TENM3: variants seen among roughly 807,000 people sequenced by gnomAD.
TENM3 encodes the protein teneurin-3.
TENM3 carries 63 observed loss-of-function variants against 255.1 expected under a neutral mutation model. The ratio of observed to expected loss-of-function variants is 0.25; its 90% CI spans 0.20 to 0.30. The LOEUF (loss-of-function observed/expected upper bound fraction) is 0.30. Among genes scored for constraint, TENM3 ranks in the 10% least tolerant of loss-of-function variants. The pLI, the probability that TENM3 is intolerant of heterozygous loss-of-function variation, is 1.00. For missense variants in TENM3, 2,929 were observed against 3,461.1 expected, an observed-to-expected ratio of 0.85 and a Z score of 3.86; for synonymous variants, 1,306 against 1,322.3, an observed-to-expected ratio of 0.99 and a Z score of 0.27.
intron 4 of TENM3, among the ~76,000 whole-genome samples, chr4:182,616,759 GGCATTTGA>G (rs1371665844): frequency 6.6e-6 from 1 of 152,044 alleles, no homozygotes; most frequent in African/African-American, 2.4e-5. Context: ...CAAATAGCTA[GGCATTTGA>G]GCAGAGTGAA....
At chr4:182,233,176 G>A (rs1756686263) in intron 1 of TENM3, among the ~76,000 whole-genome samples, 1 of 152,154 alleles carries the variant, frequency 6.6e-6, no homozygotes. Context: ...CCAAACAGGA[G>A]CCGGAGAGCC....
intron 24 of TENM3, among the ~76,000 whole-genome samples, chr4:182,777,536 T>C (rs1764774894): frequency 6.9e-6 from 1 of 144,908 alleles, no homozygotes; most frequent in East Asian, 2.0e-4. Context: ...TGTGTGTGTG[T>C]GTGTGTATTT....
At chr4:181,853,340 A>G in the TENM3 span, among the ~76,000 whole-genome samples, 3 of 152,242 alleles carry the variant, frequency 2.0e-5, no homozygotes, top group East Asian at 5.8e-4. Context: ...AACTTTAGTT[A>G]AACTTTTACG....
At chr4:182,095,919 A>G in the TENM3 span, among the ~76,000 whole-genome samples, 1 of 151,954 alleles carries the variant, frequency 6.6e-6, no homozygotes, top group Non-Finnish European at 1.5e-5. Flanking sequence ...AAGAAAAGGA[A>G]ATTTTTTAAT....
chr4:182,623,762 A>G (rs200936651), intron 4 of TENM3, among the ~76,000 whole-genome samples: 1 of 151,936 alleles, frequency 6.6e-6, no homozygotes, highest in African/African-American at 2.4e-5. Context: ...CTCCACTAAG[A>G]CATCTAGTTT....
At chr4:182,689,059 A>G (rs761418901) in intron 12 of TENM3, among the ~76,000 whole-genome samples, 8 of 152,360 alleles carry the variant, frequency 5.3e-5, no homozygotes, top group Middle Eastern at 3.4e-3. Context: ...TTTTCAAGAT[A>G]CTTAGTGTCT....
At chr4:182,218,007 C>G (rs990544963) in intron 1 of TENM3, among the ~76,000 whole-genome samples, 1 of 152,108 alleles carries the variant, frequency 6.6e-6, no homozygotes, top group Non-Finnish European at 1.5e-5. Context: ...AATGAAAAAC[C>G]GAGTAACAGT....
chr4:182,762,204 C>G (rs919165962), intron 22 of TENM3, among the ~76,000 whole-genome samples: 3 of 151,690 alleles, frequency 2.0e-5, no homozygotes, highest in African/African-American at 7.3e-5. Context: ...TGAATTAACT[C>G]TTTCAGGGTG....
At chr4:182,198,990 T>C (rs1754006060) in intron 1 of TENM3, among the ~76,000 whole-genome samples, 1 of 152,124 alleles carries the variant, frequency 6.6e-6, no homozygotes, top group African/African-American at 2.4e-5. Flanking sequence ...TTCTGCCTCA[T>C]TTTGCAAACC....
the TENM3 span, among the ~76,000 whole-genome samples, chr4:182,086,970 C>T: frequency 6.6e-6 from 1 of 152,092 alleles, no homozygotes; most frequent in African/African-American, 2.4e-5. Flanking sequence ...ATTATTCTAA[C>T]ATTGTATGTG....
At chr4:182,218,836 T>C (rs1337307529) in intron 1 of TENM3, among the ~76,000 whole-genome samples, 3 of 152,246 alleles carry the variant, frequency 2.0e-5, no homozygotes, top group Non-Finnish European at 4.4e-5. Context: ...CATTGATTTG[T>C]GTGACAGTAT....
the TENM3 span, among the ~76,000 whole-genome samples, chr4:181,556,448 A>G: frequency 1.3e-5 from 2 of 152,178 alleles, no homozygotes; most frequent in South Asian, 4.1e-4. Flanking sequence ...ATAAACTTTA[A>G]TTAACATTGA....
At chr4:182,440,026 G>C (rs188803538) in intron 3 of TENM3, among the ~76,000 whole-genome samples, 187 of 151,302 alleles carry the variant, frequency 1.2e-3, no homozygotes, top group Non-Finnish European at 2.2e-3. Flanking sequence ...ATCTGCTCTC[G>C]TAAGTATCAC....
At chr4:181,501,657 C>A in the TENM3 span, among the ~76,000 whole-genome samples, 69 of 152,272 alleles carry the variant, frequency 4.5e-4, no homozygotes, top group African/African-American at 1.6e-3. Flanking sequence ...AGATTACAGG[C>A]GTGAGCCAAC....
At chr4:182,301,909 G>A (rs548982758) in intron 1 of TENM3, among the ~76,000 whole-genome samples, 2 of 152,268 alleles carry the variant, frequency 1.3e-5, no homozygotes, top group African/African-American at 4.8e-5. Flanking sequence ...TCTGCAGAAG[G>A]GCAAGCTTCA....
chr4:182,718,985 G>A (rs140285587), intron 13 of TENM3, among the ~76,000 whole-genome samples: 4 of 152,114 alleles, frequency 2.6e-5, no homozygotes, highest in East Asian at 1.9e-4. Flanking sequence ...CCTGGCAGTC[G>A]TTACCAAGCT....
At chr4:182,482,201 G>T (rs893987556) in intron 3 of TENM3, among the ~76,000 whole-genome samples, 16 of 152,058 alleles carry the variant, frequency 1.1e-4, no homozygotes, top group African/African-American at 3.6e-4. Context: ...ATCACTCACT[G>T]AAAAATAGGT....
the TENM3 span, among the ~76,000 whole-genome samples, chr4:181,725,125 C>T: frequency 6.6e-6 from 1 of 152,182 alleles, no homozygotes; most frequent in Non-Finnish European, 1.5e-5. Flanking sequence ...TCACTGCTTT[C>T]CCAATGTTTA....
intron 3 of TENM3, 52 bp from the exon 4 acceptor site, chr4:182,600,872 T>C (rs1747760951): frequency 1.3e-5 from 12 of 910,754 alleles, no homozygotes; most frequent in Admixed American, 2.6e-5. Context: ...TATATACATA[T>C]ATATATATAT....
Sources: gnomAD v4.1 joint callset for allele counts (sites outside exome capture counted in the v4.1 genomes callset) on GRCh38, gnomAD v4.1.1 for gene constraint, MANE v1.5 for transcripts, NCBI Gene and HGNC (gene_info 2026-07-23, HGNC 2026-07-21) for gene names.